CIITA: variants seen among roughly 807,000 people sequenced by gnomAD.
The protein encoded by CIITA is class II major histocompatibility complex transactivator.
CIITA carries 72 observed loss-of-function variants against 115.1 expected under a neutral mutation model. The observed-to-expected ratio is 0.63, with a 90% CI of 0.52 to 0.76. CIITA has a LOEUF of 0.76. Among genes scored for constraint, CIITA ranks in the 30% least tolerant of loss-of-function variants. The pLI, the probability that CIITA is intolerant of heterozygous loss-of-function variation, is 0.00. For synonymous variants in CIITA, 763 were observed against 635.6 expected (o/e 1.20, Z -3.02); for missense variants, 1,617 against 1,463.8 (o/e 1.10, Z -1.71).
intron 1 of CIITA, among the ~76,000 whole-genome samples, chr16:10,884,548 G>A (rs72770020): frequency 0.062 from 9,404 of 152,152 alleles, 1,101 homozygotes; most frequent in Admixed American, 0.28. Flanking sequence ...CCAAGTAGCC[G>A]AGACTACAAG....
At position 10,901,533 on chromosome 16, in the gene CIITA, G is replaced by C. The variant is rs151317882; in HGVS notation, c.456G>C (p.Pro152=). 2.5e-6 allele frequency: 4 copies of C among 1,613,896 alleles called. No homozygotes were observed. The highest frequency in any genetic ancestry group is 2.7e-5 in the African/African-American group (2 of 74,890). ...SQKRPFPEEL[P]ADLKHWKPAE... Reference sequence around the variant, plus strand: ...CTGCAGCCTTCCCAGAGGAGCTTCCGGCAGACCTGAAGCACTGGAAGCCAG... The same window carrying C: ...CTGCAGCCTTCCCAGAGGAGCTTCCCGCAGACCTGAAGCACTGGAAGCCAG... Residue 152 remains proline, a synonymous_variant, in exon 6 of 20, where the codon CCG becomes CCC. Coordinates refer to ENST00000324288, the MANE Select transcript of CIITA (RefSeq NM_000246.4). This position sits in a 1 kb window ranked among gnomAD's most constrained non-coding sequence, Gnocchi z 6.8.
rs1342621171 is a variant in CIITA, at chr16:10,930,687, C to G, written c.*6832C>G. ...CAGGTACCATTTCCTGAGCTCTTAG[C>G]AGACGCTGAGGACCCTGCTAAGTGC... On this transcript the variant is annotated 3_prime_UTR_variant, in exon 20 of 20. Transcript: ENST00000324288. The G allele has an allele frequency of 2.0e-5, 3 of 152,228 alleles. No homozygotes were observed. Among genetic ancestry groups the G allele is most frequent in the Non-Finnish European group, 4.4e-5 (3 of 68,044 alleles). The allele number at this position is 152,228 out of a possible 1,614,324, so 9.4% of individuals were successfully genotyped here.
chr16:10,898,877 G>A (rs2038417081), intron 4 of CIITA, 48 bp from the exon 5 acceptor site: 1 of 1,608,254 alleles, frequency 6.2e-7, no homozygotes, highest in African/African-American at 1.3e-5. Context: ...GACTCACCTT[G>A]GGCTTTCATT....
rs2040860518 is a variant in CIITA at position 10,932,912 on chromosome 16, T to C, written c.*9057T>C. 1 of 152,088 alleles carries C rather than the reference T, an allele frequency of 6.6e-6. No homozygotes were observed. 9.4% of individuals were successfully genotyped at this position (152,088 alleles called of 1,614,324 possible). ...CCATGTTGGCCAGGCTAAAATCTCA[T>C]AACGTTTTAAGAAAGTTTATGAATC... On this transcript the variant is annotated 3_prime_UTR_variant, in exon 20 of 20. Transcript: ENST00000324288.
chr16:10,941,799 G>T lies in CIITA; in HGVS notation n.925G>T. The T allele has an allele frequency of 6.2e-7, 1 of 1,613,668 alleles. No individual in the cohort carries two copies. Among genetic ancestry groups the T allele is most frequent in the South Asian group, 1.1e-5 (1 of 91,066 alleles). On this transcript the variant is annotated non_coding_transcript_exon_variant, in exon 2 of 2. Transcript: ENST00000573379. The surrounding 1 kb of genome is among the most constrained non-coding windows in gnomAD (Gnocchi z 6.4). ...AGCCGGGGTCGGAGAGCACGCCGAG[G>T]TCCACGAGCGCCTGGTCCATGTCCT...
Position 10,901,752 on chromosome 16 carries a change from G to C in CIITA, c.481+194G>C. The C allele has an allele frequency of 4.4e-6, 3 of 679,098 alleles. No individual in the cohort carries two copies. Among genetic ancestry groups the C allele is most frequent in the Non-Finnish European group, 7.6e-6 (3 of 396,964 alleles). 42.1% of individuals were successfully genotyped at this position (679,098 alleles called of 1,614,324 possible). A position where few individuals can be genotyped will look rare whatever the true frequency, so the allele number is the denominator to read the frequency against. Reference sequence around the variant, plus strand: ...TCACGACTGTTTGTGGAAGGTGGTAGGGGCTTGGAGCTAACAGATTGTTCA... The same window carrying C: ...TCACGACTGTTTGTGGAAGGTGGTACGGGCTTGGAGCTAACAGATTGTTCA... On this transcript the variant is annotated intron_variant, in intron 6 of 19. Transcript: ENST00000324288. The surrounding 1 kb of genome is among the most constrained non-coding windows in gnomAD (Gnocchi z 6.8).
downstream of CIITA, chr16:10,938,102 T>A (rs1272331474): frequency 6.6e-6 from 1 of 151,926 alleles, no homozygotes; most frequent in Non-Finnish European, 1.5e-5. The surrounding 1 kb of genome is among the most constrained non-coding windows in gnomAD (Gnocchi z 4.9). Context: ...GTGGTTAATA[T>A]TAATACATCT....
chr16:10,902,671 T>C lies in CIITA; in HGVS notation c.642T>C (p.Ser214=). Residue 214 remains serine, a synonymous_variant, in exon 8 of 20, where the codon AGT becomes AGC. Transcript: ENST00000324288. ...KTDQIPMPFS[S]SSLSCLNLPE... ...TGTCTCTTGCAGTGCCTTTCTCCAG[T>C]TCCTCGTTGAGCTGCCTGAATCTCC... is the stretch of plus-strand genomic sequence containing the variant. 1 of 1,614,260 alleles carries C rather than the reference T, an allele frequency of 6.2e-7. No homozygotes were observed. The highest frequency in any genetic ancestry group is 8.5e-7 in the Non-Finnish European group (1 of 1,180,046).
Position 10,929,460 on chromosome 16 carries a change from T to C in CIITA, c.*5605T>C. 3 of 985,810 alleles carry C rather than the reference T, an allele frequency of 3.0e-6. No homozygotes were observed. Among genetic ancestry groups the C allele is most frequent in the Non-Finnish European group, 3.6e-6 (3 of 829,956 alleles). 61.1% of individuals were successfully genotyped at this position (985,810 alleles called of 1,614,324 possible). On this transcript the variant is annotated 3_prime_UTR_variant, in exon 20 of 20. Transcript: ENST00000324288. This position sits in a 1 kb window ranked among gnomAD's most constrained non-coding sequence, Gnocchi z 4.3. ...GCGTTCCCCCTTCTGTGGGAGCAGG[T>C]GCCTTCCCAACCTCAGCACTCAGTC...
At position 10,901,458 on chromosome 16, in the gene CIITA, C is replaced by T. The variant is rs1021661953; in HGVS notation, c.437-56C>T. 1.1e-5 allele frequency: 18 copies of T among 1,600,598 alleles called. No individual in the cohort carries two copies. The highest frequency in any genetic ancestry group is 2.7e-5 in the African/African-American group (2 of 74,638). ...TATAGCCTGCTAGAGTCCTGAGCCCCTTCTGGCTTGGGACATCCTCTCCCT... is the reference window on the plus strand; with the variant it reads ...TATAGCCTGCTAGAGTCCTGAGCCCTTTCTGGCTTGGGACATCCTCTCCCT... On this transcript the variant is annotated intron_variant, in intron 5 of 19. Transcript: ENST00000324288. The surrounding 1 kb of genome is among the most constrained non-coding windows in gnomAD (Gnocchi z 6.8).
chr16:10,922,373 A>G (rs1157178846), intron 17 of CIITA, 34 bp from the exon 18 acceptor site: 1 of 1,613,952 alleles, frequency 6.2e-7, no homozygotes, highest in East Asian at 2.2e-5. Flanking sequence ...GGGAGTCCCA[A>G]GGGCCAGGCC....
chr16:10,918,406 G>A (rs375074450), intron 15 of CIITA, 34 bp from the exon 16 acceptor site: 1 of 1,595,334 alleles, frequency 6.3e-7, no homozygotes, highest in South Asian at 1.1e-5. Flanking sequence ...TGCAAGTTTG[G>A]TCCTGAGCCC....
rs1227750640 is a variant in CIITA, at chr16:10,907,157, G to A, written c.1665G>A (p.Gln555=). The change falls in exon 11 of 20, where the codon CAG becomes CAA. Residue 555 remains glutamine (Q), a synonymous_variant. Coordinates refer to ENST00000324288, the MANE Select transcript of CIITA (RefSeq NM_000246.4). The surrounding 1 kb of genome is among the most constrained non-coding windows in gnomAD (Gnocchi z 5.0). ...CCCGGCCCCGGGGCCGCCTGGTCCA[G>A]AGCCTGAGCAAGGCCGACGCCCTAT... The part of the protein sequence containing the change: ...LTARPRGRLV[Q]SLSKADALFE... 1.2e-6 allele frequency: 2 copies of A among 1,612,878 alleles called. No individual in the cohort carries two copies. The highest frequency in any genetic ancestry group is 4.5e-5 in the East Asian group (2 of 44,818).
Position 10,942,233 on chromosome 16 carries a change from G to A in CIITA, n.1359G>A. ...CCCCAAGGATCTCTCGACCGCCCGG[G>A]CGGCGAGGCGGGCCCCCCTGAAGTG... On this transcript the variant is annotated non_coding_transcript_exon_variant, in exon 2 of 2. Coordinates refer to the CIITA transcript ENST00000573379. This position sits in a 1 kb window ranked among gnomAD's most constrained non-coding sequence, Gnocchi z 5.0. 2.6e-6 allele frequency: 1 copy of A among 379,724 alleles called. No homozygotes were observed. The highest frequency in any genetic ancestry group is 4.7e-6 in the Non-Finnish European group (1 of 213,444). 23.5% of individuals were successfully genotyped at this position (379,724 alleles called of 1,614,324 possible). A position where few individuals can be genotyped will look rare whatever the true frequency, so the allele number is the denominator to read the frequency against.
In CIITA at chr16:10,924,847, T is replaced by G. The variant is rs956802502; in HGVS notation, c.*992T>G. On this transcript the variant is annotated 3_prime_UTR_variant, in exon 20 of 20. Transcript: ENST00000324288. The stretch of plus-strand genomic sequence containing the variant: ...GTGTCTTTTTTCACTACATTATAAA[T>G]GTCTCTTTAATGTCACAGGCAGGTC... 1 of 152,252 alleles carries G rather than the reference T, an allele frequency of 6.6e-6. No individual in the cohort carries two copies. The highest frequency in any genetic ancestry group is 2.4e-5 in the African/African-American group (1 of 41,460). 9.4% of individuals were successfully genotyped at this position (152,252 alleles called of 1,614,324 possible). A position where few individuals can be genotyped will look rare whatever the true frequency, so the allele number is the denominator to read the frequency against.
intron 13 of CIITA, 58 bp downstream of exon 13, chr16:10,910,317 G>T: frequency 6.9e-7 from 1 of 1,443,586 alleles, no homozygotes; most frequent in Non-Finnish European, 9.7e-7. Context: ...TGCAGCATTA[G>T]CTGGGCTTGT....
chr16:10,912,808 A>G (rs977185432), intron 13 of CIITA, among the ~76,000 whole-genome samples: 1 of 152,224 alleles, frequency 6.6e-6, no homozygotes, highest in Non-Finnish European at 1.5e-5. Flanking sequence ...GGAACAGCCT[A>G]GAGCCGGGTG....
chr16:10,883,983 G>A (rs2036671638), intron 1 of CIITA, among the ~76,000 whole-genome samples: 1 of 152,170 alleles, frequency 6.6e-6, no homozygotes, highest in African/African-American at 2.4e-5. Flanking sequence ...TATAATCAAT[G>A]AACCTACATT....
chr16:10,897,284 C>G (rs761021908), intron 3 of CIITA, among the ~76,000 whole-genome samples: 1 of 152,152 alleles, frequency 6.6e-6, no homozygotes, highest in African/African-American at 2.4e-5. Flanking sequence ...TGGGGCATCA[C>G]GAGGCAAGAG....
Sources: gnomAD v4.1 joint callset for allele counts (sites outside exome capture counted in the v4.1 genomes callset) on GRCh38, gnomAD v4.1.1 for gene constraint, Gnocchi (gnomAD v3.1) non-coding constraint, MANE v1.5 for transcripts, NCBI Gene and HGNC (gene_info 2026-07-23, HGNC 2026-07-21) for gene names.